The following TNRC6C variants were observed in gnomAD, a reference collection of about 807,000 sequenced individuals.
TNRC6C encodes the protein trinucleotide repeat-containing gene 6C protein.
TNRC6C carries 20 observed loss-of-function variants against 153.7 expected under a neutral mutation model. The observed-to-expected ratio is 0.13, with a 90% CI of 0.09 to 0.19. The LOEUF (loss-of-function observed/expected upper bound fraction) is 0.19. Among genes scored for constraint, TNRC6C ranks in the 10% least tolerant of loss-of-function variants. TNRC6C has a pLI of 1.00. For missense variants in TNRC6C, 1,987 were observed against 2,172.0 expected (o/e 0.91, Z 1.69); for synonymous variants, 811 against 841.4 (o/e 0.96, Z 0.63).
intron 3 of TNRC6C, among the ~76,000 whole-genome samples, chr17:78,064,100 G>T (rs769318278): frequency 2.6e-5 from 4 of 152,156 alleles, no homozygotes; most frequent in Non-Finnish European, 5.9e-5. Flanking sequence ...CTAGAGTGCA[G>T]TGGCACAATC....
intron 1 of TNRC6C, among the ~76,000 whole-genome samples, chr17:78,010,031 G>A (rs375803213): frequency 2.0e-5 from 3 of 151,910 alleles, no homozygotes; most frequent in Non-Finnish European, 2.9e-5. Flanking sequence ...ACAGGTGCAT[G>A]CCACAGTGCC....
rs2071506767 is a variant in TNRC6C at position 78,006,529 on chromosome 17, T to TTCC, written c.-546+1452_-546+1453insCTC. On this transcript the variant is annotated intron_variant, in intron 1 of 19. Coordinates refer to ENST00000301624, the Ensembl canonical transcript of TNRC6C. ...CTTCTTCTTCTTCTTCTTCTTCTTCTTCTTCTTCTTCTTCTTCTTCTTCTT... is the reference window on the plus strand; with the variant it reads ...CTTCTTCTTCTTCTTCTTCTTCTTCTTCCTCTTCTTCTTCTTCTTCTTCTTCTT... Among the ~76,000 whole-genome samples, 3 of 141,630 alleles carry TTCC rather than the reference T, an allele frequency of 2.1e-5. 1 individual carries two copies. Among genetic ancestry groups the TTCC allele is most frequent in the African/African-American group, 8.4e-5 (3 of 35,718 alleles). The allele number at this position is 141,630 out of a possible 152,430, so 92.9% of individuals were successfully genotyped here. A position where few individuals can be genotyped will look rare whatever the true frequency, so the allele number is the denominator to read the frequency against.
At chr17:78,047,683 TA>T (rs2072438302) in intron 2 of TNRC6C, among the ~76,000 whole-genome samples, 1 of 152,206 alleles carries the variant, frequency 6.6e-6, no homozygotes, top group Non-Finnish European at 1.5e-5. Flanking sequence ...TAAAAGGATC[TA>T]AAAGAGAAGA....
upstream of TNRC6C, among the ~76,000 whole-genome samples, chr17:77,999,867 G>T (rs1053170225): frequency 3.9e-5 from 6 of 152,192 alleles, no homozygotes; most frequent in South Asian, 4.1e-4. Context: ...AAGCCAGTCT[G>T]CTAGAAAGTT....
intron 1 of TNRC6C, among the ~76,000 whole-genome samples, chr17:77,980,449 A>C (rs1317839630): frequency 6.6e-6 from 1 of 152,214 alleles, no homozygotes; most frequent in Non-Finnish European, 1.5e-5. Context: ...CCAAGCAAGC[A>C]GTCAGTTCTG....
chr17:78,080,868 C>T (rs930006415), intron 10 of TNRC6C, among the ~76,000 whole-genome samples: 1 of 152,170 alleles, frequency 6.6e-6, no homozygotes, highest in African/African-American at 2.4e-5. Flanking sequence ...ATCTTATGTT[C>T]AATCTGTTCC....
At chr17:78,001,827 A>G (rs1414911794), upstream of TNRC6C, among the ~76,000 whole-genome samples, 1 of 152,168 alleles carries the variant, frequency 6.6e-6, no homozygotes, top group Non-Finnish European at 1.5e-5. Flanking sequence ...GAGAAAGTAG[A>G]TAAGGGATGC....
intron 2 of TNRC6C, 71 bp from the exon 5 acceptor site, chr17:78,048,774 A>G: frequency 1.6e-6 from 2 of 1,216,318 alleles, no homozygotes; most frequent in Non-Finnish European, 2.1e-6. Context: ...TTCCCCAAAG[A>G]CTAGTTAACA....
chr17:78,042,884 T>C (rs1377832411), intron 2 of TNRC6C, among the ~76,000 whole-genome samples: 1 of 152,156 alleles, frequency 6.6e-6, no homozygotes, highest in South Asian at 2.1e-4. Flanking sequence ...AGGGATTTGA[T>C]AGAACTAAAA....
chr17:78,010,805 C>CA (rs66652880), intron 1 of TNRC6C, among the ~76,000 whole-genome samples: 10 of 150,772 alleles, frequency 6.6e-5, no homozygotes, highest in Non-Finnish European at 1.0e-4. Context: ...TCCATGGAAA[C>CA]AAAAAAAATA....
upstream of TNRC6C, among the ~76,000 whole-genome samples, chr17:77,999,802 G>A (rs916096725): frequency 2.6e-5 from 4 of 152,218 alleles, no homozygotes; most frequent in African/African-American, 9.6e-5. Flanking sequence ...CCTTGCAGCA[G>A]TAGGATTCAT....
At chr17:77,979,823 AG>A (rs1456030396) in intron 1 of TNRC6C, among the ~76,000 whole-genome samples, 1 of 152,226 alleles carries the variant, frequency 6.6e-6, no homozygotes, top group Non-Finnish European at 1.5e-5. Flanking sequence ...CAGCCAAAGG[AG>A]GAAAAAGATA....
intron 1 of TNRC6C, among the ~76,000 whole-genome samples, chr17:78,006,546 CTTCTTCTTCTT>C (rs2071510190): frequency 8.7e-6 from 1 of 114,716 alleles, no homozygotes; most frequent in Non-Finnish European, 1.8e-5. Context: ...TCTTCTTCTT[CTTCTTCTTCTT>C]CTTCCTTCTT....
At chr17:78,048,664 G>A (rs1003165400) in intron 2 of TNRC6C, among the ~76,000 whole-genome samples, 181 bp from the exon 5 acceptor site, 3 of 152,144 alleles carry the variant, frequency 2.0e-5, no homozygotes, top group South Asian at 2.1e-4. Context: ...AAACATTAAC[G>A]CTCTTTAAAA....
At chr17:78,038,893 C>A (rs1433446749) in intron 2 of TNRC6C, among the ~76,000 whole-genome samples, 1 of 151,164 alleles carries the variant, frequency 6.6e-6, no homozygotes, top group Non-Finnish European at 1.5e-5. Context: ...TCTCAAGACC[C>A]TGTAATCACC....
chr17:77,998,442 C>T (rs901709316), intron 1 of TNRC6C, among the ~76,000 whole-genome samples: 2 of 152,186 alleles, frequency 1.3e-5, no homozygotes, highest in Non-Finnish European at 2.9e-5. Flanking sequence ...CTTCCTTCTC[C>T]ACCTCTGGGC....
At position 78,042,750 on chromosome 17, in the gene TNRC6C, T is replaced by C. The variant is rs547166820; in HGVS notation, c.-218-6095T>C. On this transcript the variant is annotated intron_variant, in intron 2 of 19. Coordinates refer to ENST00000301624, the Ensembl canonical transcript of TNRC6C. Reference sequence around the variant, plus strand: ...ACAATGATGGTAGTGGTCATCATGATGCTGGTGGTGATCATGGTGGTGGTG... The same window carrying C: ...ACAATGATGGTAGTGGTCATCATGACGCTGGTGGTGATCATGGTGGTGGTG... Among the ~76,000 whole-genome samples the C allele has an allele frequency of 3.3e-5, 5 of 152,094 alleles. No individual in the cohort carries two copies. The South Asian group carries it at 6.3e-4, about 19-fold the overall frequency.
At chr17:78,009,924 C>T (rs533657590) in intron 1 of TNRC6C, among the ~76,000 whole-genome samples, 1 of 152,008 alleles carries the variant, frequency 6.6e-6, no homozygotes, top group Admixed American at 6.6e-5. Flanking sequence ...AACTCTGTTG[C>T]CCAGGCTGGA....
chr17:78,025,754 A>G (rs1325899349), intron 1 of TNRC6C, among the ~76,000 whole-genome samples: 1 of 152,198 alleles, frequency 6.6e-6, no homozygotes, highest in African/African-American at 2.4e-5. Flanking sequence ...TATAAAGGTA[A>G]AGAACTTTAA....
Sources: allele counts gnomAD v4.1 joint callset (sites outside exome capture counted in the v4.1 genomes callset), GRCh38; gene constraint gnomAD v4.1.1; transcripts MANE v1.5; gene names NCBI Gene and HGNC (gene_info 2026-07-23, HGNC 2026-07-21).